CEMIP: variants seen among roughly 807,000 people sequenced by gnomAD.
CEMIP encodes the protein cell migration-inducing and hyaluronan-binding protein.
CEMIP carries 105 observed loss-of-function variants against 156.9 expected under a neutral mutation model. The ratio of observed to expected loss-of-function variants is 0.67; its 90% confidence interval spans 0.57 to 0.79. The LOEUF (loss-of-function observed/expected upper bound fraction) is 0.79. Among genes scored for constraint, CEMIP ranks in the 30% least tolerant of loss-of-function variants. The probability of loss-of-function intolerance (pLI) is 0.00; values close to 1 mark genes in which losing one functional copy is unlikely to be tolerated. For synonymous variants in CEMIP, 676 were observed against 668.4 expected, an observed-to-expected ratio of 1.01 and a Z score of -0.17; for missense variants, 1,457 against 1,769.4, an observed-to-expected ratio of 0.82 and a Z score of 3.17.
Position 80,906,980 on chromosome 15 carries a change from G to A in CEMIP, c.1587+142G>A. 1 of 843,892 alleles carries A rather than the reference G, an allele frequency of 1.2e-6. No individual in the cohort carries two copies. The highest frequency in any genetic ancestry group is 1.5e-5 in the South Asian group (1 of 67,960). The allele number at this position is 843,892 out of a possible 1,614,324, so 52.3% of individuals were successfully genotyped here. A position where few individuals can be genotyped will look rare whatever the true frequency, so the allele number is the denominator to read the frequency against. Reference sequence around the variant, plus strand: ...GGGAGGGCGCCTTCTGGAAGTTTGAGAAGTCTTATGTATTATCCATTAGTG... The same window carrying A: ...GGGAGGGCGCCTTCTGGAAGTTTGAAAAGTCTTATGTATTATCCATTAGTG... On this transcript the variant is annotated intron_variant, in intron 13 of 29. Coordinates refer to ENST00000394685, the MANE Select transcript of CEMIP (RefSeq NM_001293298.2). The surrounding 1 kb of genome is among the most constrained non-coding windows in gnomAD (Gnocchi z 4.3).
chr15:80,782,880 A>G (rs1039091819), intron 1 of CEMIP, among the ~76,000 whole-genome samples: 1 of 152,202 alleles, frequency 6.6e-6, no homozygotes, highest in African/African-American at 2.4e-5. Context: ...TCCCATGCAG[A>G]TTCCAGTTTC....
intron 28 of CEMIP, among the ~76,000 whole-genome samples, chr15:80,943,337 C>T (rs1214500288): frequency 6.6e-6 from 1 of 152,224 alleles, no homozygotes; most frequent in Non-Finnish European, 1.5e-5. Flanking sequence ...GGGACAGCCC[C>T]GCTGCACATG....
intron 10 of CEMIP, among the ~76,000 whole-genome samples, chr15:80,891,545 G>A (rs1035288489): frequency 2.6e-5 from 4 of 152,216 alleles, no homozygotes; most frequent in Non-Finnish European, 4.4e-5. Flanking sequence ...ACAGCAGTGT[G>A]GTCCCCTTAC....
At position 80,884,202 on chromosome 15, in the gene CEMIP, G is replaced by C. The variant is rs151251518; in HGVS notation, c.645G>C (p.Glu215Asp). The C allele has an allele frequency of 8.7e-5, 140 of 1,614,240 alleles. No homozygotes were observed. In the African/African-American group the frequency reaches 1.7e-3, roughly 20 times the overall value. ...DRFDTYRSKK[E>D]SERLVQYLNA... The stretch of plus-strand genomic sequence containing the variant: ...TTGACACCTATAGATCCAAGAAAGA[G>C]AGTGAACGTCTGGTCCAGTATTTGA... Residue 215 changes from glutamate to aspartate, a missense_variant, in exon 7 of 30, where the codon GAG becomes GAC. By Grantham distance (45) the Glu-to-Asp change is conservative. Coordinates refer to ENST00000394685, the MANE Select transcript of CEMIP (RefSeq NM_001293298.2).
rs903110459 is a variant in CEMIP, at chr15:80,909,263, C to T, written c.1754C>T (p.Thr585Ile). 1 of 1,614,112 alleles carries T rather than the reference C, an allele frequency of 6.2e-7. No individual in the cohort carries two copies. Among genetic ancestry groups the T allele is most frequent in the Non-Finnish European group, 8.5e-7 (1 of 1,180,030 alleles). ...ATCAGGGACCTCTCCATCCATCATACATTCTCTCGCTGCGTCACAGTCCAT... is the reference window on the plus strand; with the variant it reads ...ATCAGGGACCTCTCCATCCATCATATATTCTCTCGCTGCGTCACAGTCCAT... The part of the protein sequence containing the change: ...TYIRDLSIHH[T>I]FSRCVTVHGS... The change falls in exon 14 of 30, where the codon ACA becomes ATA. Residue 585 changes from threonine (T) to isoleucine (I), a missense_variant. By Grantham distance (89) the Thr-to-Ile change is moderately conservative (BLOSUM62 -1). Coordinates refer to ENST00000394685, the MANE Select transcript of CEMIP (RefSeq NM_001293298.2).
intron 1 of CEMIP, among the ~76,000 whole-genome samples, chr15:80,786,000 A>G (rs896822226): frequency 2.0e-5 from 3 of 152,152 alleles, no homozygotes; most frequent in African/African-American, 7.2e-5. Flanking sequence ...CTTGAACCAC[A>G]AAATGCTTTT....
chr15:80,881,379 T>C (rs1898653487), intron 6 of CEMIP, among the ~76,000 whole-genome samples: 1 of 152,014 alleles, frequency 6.6e-6, no homozygotes, highest in African/African-American at 2.4e-5. Flanking sequence ...TAATTGGTAG[T>C]AAGGGGGAAA....
chr15:80,888,625 T>G, intron 8 of CEMIP, 76 bp from the exon 9 acceptor site: 1 of 1,203,534 alleles, frequency 8.3e-7, no homozygotes, highest in South Asian at 1.2e-5. Context: ...CGTAGGGGGG[T>G]TTCCTTGCCT....
At chr15:80,914,094 T>TGGC in intron 14 of CEMIP, among the ~76,000 whole-genome samples, 1 of 151,768 alleles carries the variant, frequency 6.6e-6, no homozygotes, top group South Asian at 2.1e-4. Flanking sequence ...AGGAAGGCTC[T>TGGC]ACAGTATCTG....
intron 1 of CEMIP, among the ~76,000 whole-genome samples, chr15:80,871,984 C>T (rs528713760): frequency 6.6e-5 from 10 of 152,270 alleles, no homozygotes; most frequent in South Asian, 4.1e-4. Flanking sequence ...AGGACACGGC[C>T]GGCATTGATT....
chr15:80,925,160 A>G lies in CEMIP; in HGVS notation c.2288+454A>G, dbSNP rs531673933. On this transcript the variant is annotated intron_variant, in intron 18 of 29. Transcript: ENST00000394685. Reference sequence around the variant, plus strand: ...AATTAGCAAAACCAATCTCCTTTAAAGAGACAAGTTGCTTGGTCTCCATCA... The same window carrying G: ...AATTAGCAAAACCAATCTCCTTTAAGGAGACAAGTTGCTTGGTCTCCATCA... Among the ~76,000 whole-genome samples, 216 of 152,374 alleles carry G rather than the reference A, an allele frequency of 1.4e-3. 2 individuals are homozygous for G. Among genetic ancestry groups the G allele is most frequent in the African/African-American group, 4.8e-3 (200 of 41,586 alleles).
chr15:80,837,900 T>G (rs141954944), intron 1 of CEMIP, among the ~76,000 whole-genome samples: 1 of 152,332 alleles, frequency 6.6e-6, no homozygotes, highest in African/African-American at 2.4e-5. Flanking sequence ...GGTCTCTCAT[T>G]GCTTTCCTCT....
intron 12 of CEMIP, among the ~76,000 whole-genome samples, chr15:80,899,252 C>T (rs1341209591): frequency 6.7e-6 from 1 of 149,826 alleles, no homozygotes; most frequent in Non-Finnish European, 1.5e-5. Flanking sequence ...AAAGAAAACA[C>T]ATACAATGTG....
chr15:80,854,539 T>C (rs979813653), intron 1 of CEMIP, among the ~76,000 whole-genome samples: 2 of 152,254 alleles, frequency 1.3e-5, no homozygotes, highest in African/African-American at 4.8e-5. Context: ...AGCATCCACA[T>C]TTGTTTTCAG....
chr15:80,838,613 T>G (rs762564880), intron 1 of CEMIP, among the ~76,000 whole-genome samples: 5 of 152,066 alleles, frequency 3.3e-5, no homozygotes, highest in Non-Finnish European at 5.9e-5. Context: ...ACGCGCCTCA[T>G]CCACCTCACT....
chr15:80,901,558 C>T (rs892145356), intron 12 of CEMIP, among the ~76,000 whole-genome samples: 4 of 151,990 alleles, frequency 2.6e-5, no homozygotes, highest in South Asian at 2.1e-4. Flanking sequence ...AAAAATTAAC[C>T]GGGTGTGGTG....
At chr15:80,807,464 A>G (rs1367975828) in intron 1 of CEMIP, among the ~76,000 whole-genome samples, 2 of 152,182 alleles carry the variant, frequency 1.3e-5, no homozygotes, top group Non-Finnish European at 2.9e-5. Context: ...GCCTCAAATG[A>G]TCCTCCTGCC....
intron 1 of CEMIP, among the ~76,000 whole-genome samples, chr15:80,818,931 G>C (rs1005707899): frequency 6.6e-6 from 1 of 152,210 alleles, no homozygotes; most frequent in Admixed American, 6.5e-5. Flanking sequence ...ATCCTGGGGA[G>C]TGGCTTCCAA....
At position 80,949,034 on chromosome 15, in the gene CEMIP, A is replaced by G. The variant is rs1205849004; in HGVS notation, c.*110A>G. 25 of 1,459,332 alleles carry G rather than the reference A, an allele frequency of 1.7e-5. No individual in the cohort carries two copies. Among genetic ancestry groups the G allele is most frequent in the Non-Finnish European group, 2.4e-5 (25 of 1,046,806 alleles). 90.4% of individuals were successfully genotyped at this position (1,459,332 alleles called of 1,614,324 possible). A position where few individuals can be genotyped will look rare whatever the true frequency, so the allele number is the denominator to read the frequency against. ...CAGCCCCTGCCAGCAGCTGCCTGGG[A>G]AGGCCGTGTTTCAGCCCTGATGGGC... On this transcript the variant is annotated 3_prime_UTR_variant, in exon 30 of 30. Coordinates refer to ENST00000394685, the MANE Select transcript of CEMIP (RefSeq NM_001293298.2).
Sources: gnomAD v4.1 joint callset for allele counts (sites outside exome capture counted in the v4.1 genomes callset) on GRCh38, gnomAD v4.1.1 for gene constraint, Gnocchi (gnomAD v3.1) non-coding constraint, MANE v1.5 for transcripts, NCBI Gene and HGNC (gene_info 2026-07-23, HGNC 2026-07-21) for gene names.